Variants in OPCML observed in about 807,000 individuals in gnomAD.
The protein encoded by OPCML is opioid binding protein/cell adhesion molecule like, also known as opioid-binding protein/cell adhesion molecule.
A neutral mutation model predicts 37.8 loss-of-function variants in OPCML; 13 were observed. The observed-to-expected ratio is 0.34, with a 90% CI of 0.22 to 0.55. The LOEUF (loss-of-function observed/expected upper bound fraction) is 0.55. Among genes scored for constraint, OPCML ranks in the 20% least tolerant of loss-of-function variants. The pLI, the probability that OPCML is intolerant of heterozygous loss-of-function variation, is 0.91. For synonymous variants in OPCML, 176 were observed against 168.8 expected, an observed-to-expected ratio of 1.04 and a Z score of -0.33; for missense variants, 341 against 435.6, an observed-to-expected ratio of 0.78 and a Z score of 1.93.
At chr11:133,458,230 G>T (rs1199266457) in intron 1 of OPCML, among the ~76,000 whole-genome samples, 1 of 108,510 alleles carries the variant, frequency 9.2e-6, no homozygotes, top group Non-Finnish European at 1.7e-5. Context: ...ATATATACAC[G>T]TGTGTGTATA....
At chr11:133,157,561 G>A (rs754037862) in intron 1 of OPCML, among the ~76,000 whole-genome samples, 19 of 152,122 alleles carry the variant, frequency 1.2e-4, no homozygotes, top group Admixed American at 7.2e-4. Context: ...CCATCCTTCC[G>A]CTTTTTCTCA....
In OPCML at chr11:132,577,642, G is replaced by A. The variant is rs942622125; in HGVS notation, c.380-48456C>T. Among the ~76,000 whole-genome samples, 25 of 152,190 alleles carry A rather than the reference G, an allele frequency of 1.6e-4. No homozygotes were observed. The East Asian group carries it at 2.5e-3, about 15-fold the overall frequency. ...TTTCTTTGCAAATAATGTGATGATC[G>A]CAAGGAGAAGAATCAGAAATGAAAC... On this transcript the variant is annotated intron_variant, in intron 3 of 7. Transcript: ENST00000524381.
intron 2 of OPCML, among the ~76,000 whole-genome samples, chr11:132,665,280 C>T (rs1381210537): frequency 6.6e-6 from 1 of 152,158 alleles, no homozygotes; most frequent in Non-Finnish European, 1.5e-5. Context: ...TAATGTGCTG[C>T]ACTTTCAGCC....
chr11:132,510,237 G>A (rs2508942), intron 4 of OPCML, among the ~76,000 whole-genome samples: 240 of 152,106 alleles, frequency 1.6e-3, no homozygotes, highest in Non-Finnish European at 2.5e-3. Context: ...TACCCCCATC[G>A]TATCTAGGAA....
At chr11:133,523,368 T>G (rs571756524) in intron 1 of OPCML, among the ~76,000 whole-genome samples, 2 of 152,234 alleles carry the variant, frequency 1.3e-5, no homozygotes, top group East Asian at 3.9e-4. Context: ...GTGGGGAGAC[T>G]TAGATTTCAG....
At chr11:132,877,902 T>G (rs1278360568) in intron 2 of OPCML, among the ~76,000 whole-genome samples, 1 of 152,234 alleles carries the variant, frequency 6.6e-6, no homozygotes, top group African/African-American at 2.4e-5. Flanking sequence ...TGTTTACATT[T>G]TATTTTCTTT....
At chr11:132,607,838 T>G (rs1234859633) in intron 3 of OPCML, among the ~76,000 whole-genome samples, 3 of 152,168 alleles carry the variant, frequency 2.0e-5, no homozygotes, top group Non-Finnish European at 4.4e-5. Context: ...GATTGGTGGT[T>G]ACCAGAGGCA....
intron 1 of OPCML, among the ~76,000 whole-genome samples, chr11:133,405,200 G>A (rs767223344): frequency 3.9e-5 from 6 of 152,116 alleles, no homozygotes; most frequent in Admixed American, 6.5e-5. Flanking sequence ...CCACCCCCAG[G>A]AGAACCTAGG....
chr11:133,337,005 A>C (rs966142437), intron 1 of OPCML, among the ~76,000 whole-genome samples: 1 of 152,244 alleles, frequency 6.6e-6, no homozygotes, highest in African/African-American at 2.4e-5. Flanking sequence ...GCAAAGAACC[A>C]AATGAATATA....
intron 2 of OPCML, among the ~76,000 whole-genome samples, chr11:132,823,337 T>C (rs1940104391): frequency 6.6e-6 from 1 of 152,162 alleles, no homozygotes; most frequent in Admixed American, 6.5e-5. Context: ...CCCACTAATG[T>C]ATTTAGGAAA....
chr11:132,707,988 G>A (rs1026839121), intron 2 of OPCML, among the ~76,000 whole-genome samples: 1 of 152,060 alleles, frequency 6.6e-6, no homozygotes, highest in Non-Finnish European at 1.5e-5. Context: ...GAGGAAATGA[G>A]TAAAATCAAT....
Position 133,010,429 on chromosome 11 carries a change from G to A in OPCML, c.62-67419C>T, listed in dbSNP as rs546251738. Among the ~76,000 whole-genome samples the A allele has an allele frequency of 2.6e-4, 40 of 152,366 alleles. No individual in the cohort carries two copies. The South Asian group carries it at 7.7e-3, about 29-fold the overall frequency. On this transcript the variant is annotated intron_variant, in intron 1 of 7. Transcript: ENST00000524381. ...TTGGAAGTGAGAACACTTGTAAGAG[G>A]TGGAAGAGTCTTCAGATATTTAAAG...
intron 1 of OPCML, among the ~76,000 whole-genome samples, chr11:133,233,048 G>A (rs553117951): frequency 1.1e-3 from 171 of 152,280 alleles, no homozygotes; most frequent in African/African-American, 3.9e-3. Flanking sequence ...CTCCAGCTTG[G>A]TTTTGCAGAC....
At chr11:132,890,743 G>C (rs1436720713) in intron 2 of OPCML, among the ~76,000 whole-genome samples, 1 of 149,184 alleles carries the variant, frequency 6.7e-6, no homozygotes, top group Non-Finnish European at 1.5e-5. Context: ...TGTAGTCCCA[G>C]CTACTCAGGA....
At chr11:132,451,776 AC>A (rs1300785523) in intron 4 of OPCML, among the ~76,000 whole-genome samples, 1 of 152,194 alleles carries the variant, frequency 6.6e-6, no homozygotes, top group Non-Finnish European at 1.5e-5. Flanking sequence ...TTGGTGGAGA[AC>A]AAAAGCACAA....
intron 1 of OPCML, among the ~76,000 whole-genome samples, chr11:133,430,964 T>C (rs919633465): frequency 2.0e-5 from 3 of 152,158 alleles, no homozygotes; most frequent in African/African-American, 7.2e-5. Context: ...TTAGTAACTT[T>C]AGAAGTTCAT....
chr11:132,893,735 T>C (rs1243877714), intron 2 of OPCML, among the ~76,000 whole-genome samples: 1 of 152,264 alleles, frequency 6.6e-6, no homozygotes, highest in Non-Finnish European at 1.5e-5. Context: ...TGCTTTGCAA[T>C]ATGGTAATAG....
chr11:132,944,748 T>A (rs1386341420), intron 1 of OPCML, among the ~76,000 whole-genome samples: 2 of 152,138 alleles, frequency 1.3e-5, no homozygotes, highest in Non-Finnish European at 2.9e-5. Flanking sequence ...CTCTTTCTGC[T>A]CTAAACCCCA....
intron 1 of OPCML, among the ~76,000 whole-genome samples, chr11:133,152,020 G>A (rs536061324): frequency 1.3e-5 from 2 of 152,284 alleles, no homozygotes; most frequent in East Asian, 3.9e-4. Context: ...GTTCACAGTT[G>A]TTGAGGAACA....
Sources: gnomAD v4.1 joint callset for allele counts (sites outside exome capture counted in the v4.1 genomes callset) on GRCh38, gnomAD v4.1.1 for gene constraint, MANE v1.5 for transcripts, NCBI Gene and HGNC (gene_info 2026-07-23, HGNC 2026-07-21) for gene names.